The following MRC1 variants were observed in gnomAD, a reference collection of about 807,000 sequenced individuals.
MRC1 encodes macrophage mannose receptor 1.
A neutral mutation model predicts 102.9 loss-of-function variants in MRC1; 62 were observed. The observed-to-expected ratio is 0.60, with a 90% CI of 0.49 to 0.74. MRC1 has a LOEUF of 0.74. MRC1 is among the 30% of genes least tolerant of loss of function. The pLI, the probability that MRC1 is intolerant of heterozygous loss-of-function variation, is 0.00. For missense variants in MRC1, 1,237 were observed against 862.8 expected, an observed-to-expected ratio of 1.43 and a Z score of -5.43; for synonymous variants, 457 against 298.4, an observed-to-expected ratio of 1.53 and a Z score of -5.48.
intron 4 of MRC1, among the ~76,000 whole-genome samples, chr10:17,836,962 A>G (rs1838674344): frequency 2.0e-5 from 3 of 152,108 alleles, no homozygotes. Flanking sequence ...GGGGTGTGTT[A>G]TCTCTTGGAA....
intron 3 of MRC1, among the ~76,000 whole-genome samples, chr10:17,830,560 T>A (rs1161856523): frequency 2.6e-5 from 4 of 151,382 alleles, no homozygotes; most frequent in African/African-American, 9.8e-5. Context: ...TGTAATGCTT[T>A]CCTTCCATGT....
At chr10:17,828,567 A>C (rs1838519985) in intron 3 of MRC1, among the ~76,000 whole-genome samples, 2 of 151,522 alleles carry the variant, frequency 1.3e-5, no homozygotes, top group Admixed American at 6.6e-5. Context: ...TGATGGAGAA[A>C]GACGTGAAGG....
chr10:17,835,059 C>G (rs1159289875), intron 4 of MRC1, among the ~76,000 whole-genome samples: 1 of 152,202 alleles, frequency 6.6e-6, no homozygotes, highest in Middle Eastern at 3.2e-3. Flanking sequence ...AACATCTGTA[C>G]TATTCCCGGT....
At chr10:17,909,571 T>G (rs924904043) in intron 29 of MRC1, among the ~76,000 whole-genome samples, 64 of 152,244 alleles carry the variant, frequency 4.2e-4, no homozygotes, top group African/African-American at 1.5e-3. Context: ...AGGCATTTTT[T>G]TTTTTCGCTC....
intron 3 of MRC1, among the ~76,000 whole-genome samples, chr10:17,829,329 G>A (rs1838532873): frequency 6.6e-6 from 1 of 151,336 alleles, no homozygotes; most frequent in Non-Finnish European, 1.5e-5. Flanking sequence ...TTATCTCTCT[G>A]GATTTATAAT....
intron 1 of MRC1, among the ~76,000 whole-genome samples, chr10:17,812,686 C>T (rs1838242829): frequency 1.3e-5 from 2 of 151,436 alleles, no homozygotes; most frequent in African/African-American, 4.9e-5. Context: ...ATTCTCCTGC[C>T]TCAGCCTCCC....
At chr10:17,832,996 A>G (rs1485953517) in intron 3 of MRC1, among the ~76,000 whole-genome samples, 1 of 152,144 alleles carries the variant, frequency 6.6e-6, no homozygotes, top group Admixed American at 6.5e-5. Flanking sequence ...TACCCAATGG[A>G]TAATTTTTGA....
intron 14 of MRC1, among the ~76,000 whole-genome samples, chr10:17,871,290 T>A (rs1054247829): frequency 2.2e-4 from 34 of 152,296 alleles, no homozygotes; most frequent in African/African-American, 6.7e-4. Context: ...CCTCTTAATT[T>A]CAGTTCTGCC....
At chr10:17,901,402 C>T (rs1833826051) in intron 25 of MRC1, among the ~76,000 whole-genome samples, 1 of 152,266 alleles carries the variant, frequency 6.6e-6, no homozygotes, top group East Asian at 1.9e-4. Context: ...GAAAATTTAT[C>T]TTTGGGCCGG....
chr10:17,821,487 G>A (rs1838395395), intron 1 of MRC1, among the ~76,000 whole-genome samples: 1 of 152,124 alleles, frequency 6.6e-6, no homozygotes, highest in African/African-American at 2.4e-5. Context: ...GCACCAGACT[G>A]GATGTTGCTA....
intron 1 of MRC1, among the ~76,000 whole-genome samples, chr10:17,811,722 A>G (rs1231795578): frequency 1.3e-5 from 2 of 151,978 alleles, no homozygotes; most frequent in Non-Finnish European, 2.9e-5. Flanking sequence ...GGCTTGAGCC[A>G]CTATGCCAGG....
intron 1 of MRC1, 24 bp downstream of exon 1, chr10:17,809,550 A>C (rs1466081212): frequency 5.7e-6 from 5 of 872,330 alleles, no homozygotes; most frequent in Non-Finnish European, 1.0e-5. Context: ...GAGGCAGGGG[A>C]TCTCTGACCT....
chr10:17,866,825 A>G, intron 12 of MRC1, 64 bp downstream of exon 12: 1 of 779,598 alleles, frequency 1.3e-6, no homozygotes, highest in Non-Finnish European at 2.4e-6. Context: ...AGAATCATCT[A>G]AGGACATAGA....
intron 8 of MRC1, among the ~76,000 whole-genome samples, chr10:17,853,842 G>A (rs1212266712): frequency 6.6e-6 from 1 of 152,090 alleles, no homozygotes; most frequent in Admixed American, 6.5e-5. Flanking sequence ...ATTAATAGAT[G>A]GTAAACACAG....
chr10:17,838,584 CAG>C (rs1838705019), intron 4 of MRC1, among the ~76,000 whole-genome samples: 1 of 150,380 alleles, frequency 6.6e-6, no homozygotes, highest in African/African-American at 2.5e-5. Context: ...GTAAAAAAAA[CAG>C]TGTAATATTG....
At chr10:17,871,315 T>G (rs1364722013) in intron 14 of MRC1, among the ~76,000 whole-genome samples, 1 of 152,206 alleles carries the variant, frequency 6.6e-6, no homozygotes, top group East Asian at 1.9e-4. Context: ...CCAGCAACTT[T>G]TCAAGGAACT....
intron 1 of MRC1, among the ~76,000 whole-genome samples, chr10:17,812,543 T>A (rs1194376384): frequency 6.6e-6 from 1 of 150,750 alleles, no homozygotes; most frequent in Non-Finnish European, 1.5e-5. Context: ...GGGGGCAGAG[T>A]TGGGAAGAGA....
At chr10:17,903,382 CT>C (rs1210207060) in intron 26 of MRC1, among the ~76,000 whole-genome samples, 6 of 125,054 alleles carry the variant, frequency 4.8e-5, no homozygotes, top group South Asian at 2.6e-4. Flanking sequence ...TTTTTCTTTT[CT>C]TTTTTTTTCT....
intron 1 of MRC1, among the ~76,000 whole-genome samples, chr10:17,820,859 A>G (rs1327501106): frequency 6.6e-6 from 1 of 152,176 alleles, no homozygotes; most frequent in Non-Finnish European, 1.5e-5. Flanking sequence ...CTGTTTTTTA[A>G]AAAACCGTTT....
Sources: gnomAD v4.1 joint callset for allele counts (sites outside exome capture counted in the v4.1 genomes callset) on GRCh38, gnomAD v4.1.1 for gene constraint, MANE v1.5 for transcripts, NCBI Gene and HGNC (gene_info 2026-07-23, HGNC 2026-07-21) for gene names.